MAGI1: variants seen among roughly 807,000 people sequenced by gnomAD.
MAGI1 encodes membrane associated guanylate kinase, WW and PDZ domain containing 1, also known as membrane-associated guanylate kinase, WW and PDZ domain-containing protein 1.
MAGI1 carries 58 observed loss-of-function variants against 139.9 expected under a neutral mutation model. The observed-to-expected ratio is 0.41, with a 90% CI of 0.34 to 0.52. The LOEUF (loss-of-function observed/expected upper bound fraction) is 0.52. Ranked by LOEUF, MAGI1 falls within the 20% of genes least tolerant of loss-of-function variation. The probability of loss-of-function intolerance (pLI) is 0.12; values close to 1 mark genes in which losing one functional copy is unlikely to be tolerated. For missense variants in MAGI1, 1,874 were observed against 1,901.6 expected, an observed-to-expected ratio of 0.99 and a Z score of 0.27; for synonymous variants, 812 against 737.9, an observed-to-expected ratio of 1.10 and a Z score of -1.63.
intron 7 of MAGI1, among the ~76,000 whole-genome samples, chr3:65,446,179 T>A (rs1445417339): frequency 2.0e-5 from 3 of 152,144 alleles, no homozygotes; most frequent in African/African-American, 7.2e-5. Context: ...GAAGAGGGAA[T>A]TAGGTAATAA....
chr3:65,553,520 T>C (rs1396570699), intron 2 of MAGI1, among the ~76,000 whole-genome samples: 1 of 152,206 alleles, frequency 6.6e-6, no homozygotes, highest in Non-Finnish European at 1.5e-5. Flanking sequence ...GATGTAACAG[T>C]GAACAGACAC....
intron 1 of MAGI1, among the ~76,000 whole-genome samples, chr3:66,027,455 G>T (rs1380960960): frequency 1.3e-5 from 2 of 152,038 alleles, no homozygotes; most frequent in Non-Finnish European, 2.9e-5. Context: ...CTACAAGCAT[G>T]AACCACCATG....
At chr3:65,537,183 C>T (rs2078999503) in intron 2 of MAGI1, among the ~76,000 whole-genome samples, 1 of 152,170 alleles carries the variant, frequency 6.6e-6, no homozygotes, top group Admixed American at 6.5e-5. Flanking sequence ...CTCCACTATA[C>T]ACTGTCCGTG....
In MAGI1 at chr3:65,597,632, C is replaced by A. The variant is rs564675971; in HGVS notation, c.430+24340G>T. 7.2e-5 allele frequency: 33 copies of A among 455,332 alleles called. 1 individual carries two copies. The East Asian group carries it at 2.2e-3, about 31-fold the overall frequency. The allele number at this position is 455,332 out of a possible 1,614,324, so 28.2% of individuals were successfully genotyped here. ...CCCCTCCTCCCTGGTCCACACACCA[C>A]ACACGGCATCTTCACCTCCATGGAT... On this transcript the variant is annotated intron_variant, in intron 2 of 22. Coordinates refer to ENST00000402939, the MANE Select transcript of MAGI1 (RefSeq NM_001033057.2).
At chr3:65,360,094 AATGTCGAACACCTGGG>A in intron 22 of MAGI1, 1 of 985,354 alleles carries the variant, frequency 1.0e-6, no homozygotes, top group Non-Finnish European at 1.2e-6. Context: ...CACCTGTACA[AATGTCGAACACCTGGG>A]AAGGCTGGCC....
At chr3:65,476,147 G>T (rs1950875158) in intron 4 of MAGI1, among the ~76,000 whole-genome samples, 1 of 152,056 alleles carries the variant, frequency 6.6e-6, no homozygotes, top group Admixed American at 6.6e-5. Context: ...CTTATGGACT[G>T]GGTAGTGTTA....
chr3:65,574,500 G>A (rs367780875), intron 2 of MAGI1, among the ~76,000 whole-genome samples: 1 of 149,740 alleles, frequency 6.7e-6, no homozygotes, highest in East Asian at 1.9e-4. Context: ...CCCTATTCAT[G>A]GGCAATACTT....
At chr3:65,857,845 A>C (rs981831466) in intron 1 of MAGI1, among the ~76,000 whole-genome samples, 11 of 152,162 alleles carry the variant, frequency 7.2e-5, no homozygotes, top group African/African-American at 2.7e-4. Context: ...CATCCCTTAG[A>C]CATTTAAAAA....
At chr3:65,905,251 A>C (rs900959239) in intron 1 of MAGI1, among the ~76,000 whole-genome samples, 1 of 152,162 alleles carries the variant, frequency 6.6e-6, no homozygotes, top group African/African-American at 2.4e-5. Flanking sequence ...CTTATTTCCC[A>C]AAGTATCAAA....
At chr3:65,549,008 G>A (rs75172641) in intron 2 of MAGI1, among the ~76,000 whole-genome samples, 5 of 152,280 alleles carry the variant, frequency 3.3e-5, no homozygotes, top group African/African-American at 9.6e-5. Context: ...CCTGGCCCTA[G>A]GCGGAACGAG....
intron 1 of MAGI1, among the ~76,000 whole-genome samples, chr3:65,716,901 G>A (rs893624367): frequency 6.6e-6 from 1 of 152,174 alleles, no homozygotes; most frequent in African/African-American, 2.4e-5. Flanking sequence ...AAATCAACTT[G>A]CTAAAGCCAA....
intron 1 of MAGI1, among the ~76,000 whole-genome samples, chr3:65,656,025 C>T (rs1213365390): frequency 6.6e-6 from 1 of 152,144 alleles, no homozygotes. Flanking sequence ...GACATTAGTG[C>T]TGTCTATGTA....
intron 12 of MAGI1, among the ~76,000 whole-genome samples, chr3:65,415,568 T>G (rs1274543152): frequency 6.6e-6 from 1 of 152,216 alleles, no homozygotes; most frequent in Non-Finnish European, 1.5e-5. Flanking sequence ...GCCACTCCGT[T>G]ACTGAGGAGA....
chr3:65,770,753 A>G (rs993222178), intron 1 of MAGI1, among the ~76,000 whole-genome samples: 4 of 152,048 alleles, frequency 2.6e-5, no homozygotes, highest in African/African-American at 9.7e-5. Flanking sequence ...CAGTGGCACA[A>G]TCTCAGCTCA....
chr3:65,838,048 C>T (rs2058685890), intron 1 of MAGI1, among the ~76,000 whole-genome samples: 1 of 152,166 alleles, frequency 6.6e-6, no homozygotes, highest in African/African-American at 2.4e-5. Flanking sequence ...ACTGGCATTG[C>T]AATATTTGTG....
chr3:65,382,335 A>T (rs917654017), intron 15 of MAGI1, among the ~76,000 whole-genome samples: 11 of 152,280 alleles, frequency 7.2e-5, no homozygotes, highest in Middle Eastern at 3.4e-3. Flanking sequence ...GCAGATATAA[A>T]TTACTTTTCT....
At chr3:65,669,127 G>C (rs1246885102) in intron 1 of MAGI1, among the ~76,000 whole-genome samples, 1 of 152,058 alleles carries the variant, frequency 6.6e-6, no homozygotes, top group African/African-American at 2.4e-5. Flanking sequence ...AGTAGAGACA[G>C]GGTTTCACCA....
chr3:65,495,340 T>C (rs1258813739), intron 2 of MAGI1, among the ~76,000 whole-genome samples: 1 of 152,236 alleles, frequency 6.6e-6, no homozygotes, highest in Non-Finnish European at 1.5e-5. Context: ...TCAATAATTT[T>C]TAGTAGACAT....
intron 1 of MAGI1, among the ~76,000 whole-genome samples, chr3:65,847,065 A>G (rs928217834): frequency 6.6e-6 from 1 of 151,686 alleles, no homozygotes; most frequent in African/African-American, 2.4e-5. Flanking sequence ...ACTACCCTGA[A>G]GTTCGGTACT....
Sources: allele counts gnomAD v4.1 joint callset (sites outside exome capture counted in the v4.1 genomes callset), GRCh38; gene constraint gnomAD v4.1.1; transcripts MANE v1.5; gene names NCBI Gene and HGNC (gene_info 2026-07-23, HGNC 2026-07-21).